Variants in GPR35 observed in about 807,000 individuals in gnomAD.
The protein encoded by GPR35 is KYNA receptor.
For missense variants in GPR35, 372 were observed against 422.5 expected (o/e 0.88, Z 1.05); for synonymous variants, 207 against 198.4 (o/e 1.04, Z -0.36).
exon 3 of GPR35, chr2:240,616,392 C>G (rs1446127702): frequency 1.3e-6 from 1 of 777,314 alleles, no homozygotes. Flanking sequence ...TCCTAGGTCT[C>G]TTGCCCTGTG....
In GPR35 at chr2:240,631,243, A is replaced by G. The variant is rs528566949; in HGVS notation, c.*361A>G. The G allele has an allele frequency of 3.2e-4, 93 of 292,262 alleles. No homozygotes were observed. The highest frequency in any genetic ancestry group is 1.9e-3 in the African/African-American group (86 of 46,338). The allele number at this position is 292,262 out of a possible 1,614,324, so 18.1% of individuals were successfully genotyped here. A position where few individuals can be genotyped will look rare whatever the true frequency, so the allele number is the denominator to read the frequency against. Reference sequence around the variant, plus strand: ...CCTCGGGGCTGGAATAAAACTCCCCACCCAGAGTCAGTCCTAGTGGGGCCC... The same window carrying G: ...CCTCGGGGCTGGAATAAAACTCCCCGCCCAGAGTCAGTCCTAGTGGGGCCC... On this transcript the variant is annotated 3_prime_UTR_variant, in exon 2 of 2. Transcript: ENST00000407714.
chr2:240,616,270 C>T, intron 2 of GPR35: 1 of 635,954 alleles, frequency 1.6e-6, no homozygotes. Flanking sequence ...GCTCGTGGTC[C>T]CAACCTCGAC....
Position 240,630,007 on chromosome 2 carries a change from A to G in GPR35, c.55A>G (p.Ile19Val). The G allele has an allele frequency of 6.2e-7, 1 of 1,611,922 alleles. No homozygotes were observed. Among genetic ancestry groups the G allele is most frequent in the African/African-American group, 1.3e-5 (1 of 75,024 alleles). The change falls in exon 2 of 2, where the codon ATC (isoleucine) becomes GTC (valine). Residue 19 changes from isoleucine (I) to valine (V), a missense_variant. Transcript: ENST00000407714. ...CAGCGACCTCACCTGGCCCCCAGCG[A>G]TCAAGCTGGGCTTCTACGCCTACTT... is the stretch of plus-strand genomic sequence containing the variant. The part of the protein sequence containing the change: ...GSSDLTWPPA[I>V]KLGFYAYLGV...
rs1050777602 is a variant in GPR35, at chr2:240,625,527, G to C, written c.-46G>C. ...CAGCCACTGTGCAGGCTTTGGCAGC[G>C]GGGGTCACACACTCCACCCGGGAGG... On this transcript the variant is annotated 5_prime_UTR_variant, in exon 1 of 2. Transcript: ENST00000407714. 1.0e-5 allele frequency: 10 copies of C among 985,844 alleles called. No individual in the cohort carries two copies. The African/African-American group carries it at 1.2e-4, about 12-fold the overall frequency. The allele number at this position is 985,844 out of a possible 1,614,324, so 61.1% of individuals were successfully genotyped here.
chr2:240,613,752 C>T (rs1007477134), intron 2 of GPR35, among the ~76,000 whole-genome samples: 2 of 152,018 alleles, frequency 1.3e-5, no homozygotes, highest in Admixed American at 1.3e-4. Context: ...GACCCGAACC[C>T]TAACCCTAAC....
At chr2:240,617,748 T>C (rs2043253654) in intron 4 of GPR35, 1 of 165,824 alleles carries the variant, frequency 6.0e-6, no homozygotes, top group African/African-American at 2.4e-5. Flanking sequence ...TTTTTTGATG[T>C]TCCCATTAAC....
rs545531063 is a variant in GPR35 at position 240,613,086 on chromosome 2, C to T, written c.-576-3302C>T. ...GTGGCAGACCTTCAGTAACCCCAGACAAGGAGTGAGGCAGAGCCTGATAGC... is the reference window on the plus strand; with the variant it reads ...GTGGCAGACCTTCAGTAACCCCAGATAAGGAGTGAGGCAGAGCCTGATAGC... On this transcript the variant is annotated intron_variant, in intron 2 of 5. Coordinates refer to the GPR35 transcript ENST00000319838. Among the ~76,000 whole-genome samples, 9 of 152,292 alleles carry T rather than the reference C, an allele frequency of 5.9e-5. No homozygotes were observed. In the East Asian group the frequency reaches 1.7e-3, roughly 29 times the overall value.
chr2:240,630,685 T>C lies in GPR35; in HGVS notation c.733T>C (p.Trp245Arg), dbSNP rs772297163. ...GCTGACAGTGCGCCTCGCAGTGGGC[T>C]GGAACGCCTGTGCCCTCCTGGAGAC... ...VGLTVRLAVG[W>R]NACALLETIR... The change falls in exon 2 of 2, where the codon TGG becomes CGG. Residue 245 changes from tryptophan (W) to arginine (R), a missense_variant. Coordinates refer to ENST00000407714, the MANE Select transcript of GPR35 (RefSeq NM_005301.5). 6.2e-7 allele frequency: 1 copy of C among 1,613,416 alleles called. No homozygotes were observed. Among genetic ancestry groups the C allele is most frequent in the Non-Finnish European group, 8.5e-7 (1 of 1,180,018 alleles).
chr2:240,617,377 A>G lies in GPR35; in HGVS notation c.-165A>G, dbSNP rs2043249698. 6.3e-6 allele frequency: 4 copies of G among 636,776 alleles called. 1 individual carries two copies. Among genetic ancestry groups the G allele is most frequent in the Non-Finnish European group, 8.6e-6 (3 of 347,848 alleles). 39.4% of individuals were successfully genotyped at this position (636,776 alleles called of 1,614,324 possible). On this transcript the variant is annotated 5_prime_UTR_variant, in exon 4 of 6. Transcript: ENST00000319838. ...TGGGAGATAAAACTCTGTGGTTTTA[A>G]TCTTCTCATTTTAGAGGTAATTTTT...
At chr2:240,623,125 C>T (rs11887524), upstream of GPR35, among the ~76,000 whole-genome samples, 3 of 152,092 alleles carry the variant, frequency 2.0e-5, no homozygotes, top group Non-Finnish European at 2.9e-5. Context: ...GCCCCGCGGC[C>T]GGAGTCGCTG....
intron 2 of GPR35, among the ~76,000 whole-genome samples, chr2:240,612,061 G>A: frequency 6.6e-6 from 1 of 152,006 alleles, no homozygotes; most frequent in East Asian, 1.9e-4. Flanking sequence ...ATGTTTCAGG[G>A]CAAAGTGCAA....
chr2:240,607,374 A>G (rs1470829571), intron 2 of GPR35: 2 of 151,996 alleles, frequency 1.3e-5, no homozygotes, highest in African/African-American at 2.4e-5. Context: ...GTTTTTTAGT[A>G]GAAACAGGGT....
chr2:240,626,444 G>C (rs1175342165), intron 1 of GPR35, among the ~76,000 whole-genome samples: 1 of 151,782 alleles, frequency 6.6e-6, no homozygotes, highest in Non-Finnish European at 1.5e-5. Context: ...AGGCTGTGAT[G>C]GGGAGTCTCA....
chr2:240,607,648 G>C (rs1302785145), intron 2 of GPR35: 1 of 152,106 alleles, frequency 6.6e-6, no homozygotes, highest in African/African-American at 2.4e-5. Flanking sequence ...CTAGTATATA[G>C]AAGTGCATTT....
At chr2:240,613,560 T>G (rs986422856) in intron 2 of GPR35, among the ~76,000 whole-genome samples, 3 of 151,614 alleles carry the variant, frequency 2.0e-5, no homozygotes, top group African/African-American at 7.3e-5. Flanking sequence ...TCATGTGGAC[T>G]CCAACCCTAA....
At chr2:240,625,436 G>C (rs2043357722), upstream of GPR35, 1 of 985,582 alleles carries the variant, frequency 1.0e-6, no homozygotes, top group African/African-American at 1.7e-5. Flanking sequence ...TTAAGGAGGG[G>C]CAGAGTCAGG....
intron 1 of GPR35, 71 bp from the exon 2 acceptor site, chr2:240,629,878 G>T (rs2043418997): frequency 1.5e-6 from 2 of 1,342,700 alleles, no homozygotes; most frequent in Admixed American, 3.8e-5. Flanking sequence ...CCAGAGGTGG[G>T]CAGAGTGGGG....
At chr2:240,628,824 C>T (rs2043406289) in intron 1 of GPR35, 1 of 152,204 alleles carries the variant, frequency 6.6e-6, no homozygotes, top group African/African-American at 2.4e-5. Flanking sequence ...AGAGGCTTCT[C>T]CCGCCCTCAC....
chr2:240,627,585 GC>G (rs2125487750), intron 1 of GPR35: 1 of 142,994 alleles, frequency 7.0e-6, no homozygotes, highest in South Asian at 2.4e-4. Flanking sequence ...TCCTGCCTCA[GC>G]CTCCCGAGTA....
Sources: gnomAD v4.1 joint callset for allele counts (sites outside exome capture counted in the v4.1 genomes callset) on GRCh38, gnomAD v4.1.1 for gene constraint, MANE v1.5 for transcripts, NCBI Gene and HGNC (gene_info 2026-07-23, HGNC 2026-07-21) for gene names.